The following WNT7A variants were observed in gnomAD, a reference collection of about 807,000 sequenced individuals.
The protein encoded by WNT7A is protein Wnt-7a.
WNT7A carries 16 observed loss-of-function variants against 28.2 expected under a neutral mutation model. The observed-to-expected ratio is 0.57, with a 90% CI of 0.38 to 0.86. WNT7A has a LOEUF of 0.86. Ranked by LOEUF, WNT7A falls within the 40% of genes least tolerant of loss-of-function variation. The pLI, the probability that WNT7A is intolerant of heterozygous loss-of-function variation, is 0.00. For missense variants in WNT7A, 411 were observed against 489.7 expected (o/e 0.84, Z 1.52); for synonymous variants, 190 against 195.9 (o/e 0.97, Z 0.25).
chr3:13,818,350 G>GAAAAAAAAAAAAAAAAAAAAAA lies in WNT7A; in HGVS notation c.*593_*594insTTTTTTTTTTTTTTTTTTTTTT, dbSNP rs1491270987. The GAAAAAAAAAAAAAAAAAAAAAA allele has an allele frequency of 5.5e-5, 1 of 18,162 alleles. No individual in the cohort carries two copies. Among genetic ancestry groups the GAAAAAAAAAAAAAAAAAAAAAA allele is most frequent in the African/African-American group, 4.6e-4 (1 of 2,168 alleles). 1.1% of individuals were successfully genotyped at this position (18,162 alleles called of 1,614,324 possible). A position where few individuals can be genotyped will look rare whatever the true frequency, so the allele number is the denominator to read the frequency against. ...ATTTCTGGATAAGTAGCAGCAAACA[G>GAAAAAAAAAAAAAAAAAAAAAA]CAAAAAAAAAAAAAAAAATGTGTGT... On this transcript the variant is annotated 3_prime_UTR_variant, in exon 4 of 4. Coordinates refer to ENST00000285018, the MANE Select transcript of WNT7A (RefSeq NM_004625.4).
rs1395742854 is a variant in WNT7A at position 13,818,516 on chromosome 3, TA to T, written c.*427del. The T allele has an allele frequency of 6.5e-6, 1 of 152,822 alleles. No individual in the cohort carries two copies. The highest frequency in any genetic ancestry group is 1.5e-5 in the Non-Finnish European group (1 of 68,482). The allele number at this position is 152,822 out of a possible 1,614,324, so 9.5% of individuals were successfully genotyped here. A position where few individuals can be genotyped will look rare whatever the true frequency, so the allele number is the denominator to read the frequency against. ...TACACTTCTACACGGCTCCTTGTCCTAGCAACAAAATCATCCTGCTAGGAAA... is the reference window on the plus strand; with the variant it reads ...TACACTTCTACACGGCTCCTTGTCCTGCAACAAAATCATCCTGCTAGGAAA... On this transcript the variant is annotated 3_prime_UTR_variant, in exon 4 of 4. Coordinates refer to ENST00000285018, the MANE Select transcript of WNT7A (RefSeq NM_004625.4).
At chr3:13,838,510 C>T (rs1694405266) in intron 3 of WNT7A, among the ~76,000 whole-genome samples, 1 of 152,224 alleles carries the variant, frequency 6.6e-6, no homozygotes, top group Non-Finnish European at 1.5e-5. Flanking sequence ...GAGCCTGGTC[C>T]TTCAACAAGA....
intron 3 of WNT7A, among the ~76,000 whole-genome samples, chr3:13,844,869 G>A (rs1015475750): frequency 1.1e-4 from 16 of 152,092 alleles, no homozygotes; most frequent in African/African-American, 3.4e-4. Flanking sequence ...GACCACTCCT[G>A]CCCCTCTCCT....
intron 2 of WNT7A, among the ~76,000 whole-genome samples, chr3:13,855,536 G>C (rs1694715604): frequency 6.6e-6 from 1 of 152,188 alleles, no homozygotes; most frequent in African/African-American, 2.4e-5. Flanking sequence ...TGGACTGTGA[G>C]TATCTCCAGT....
intron 2 of WNT7A, among the ~76,000 whole-genome samples, chr3:13,865,564 G>T (rs971629172): frequency 4.6e-5 from 7 of 152,232 alleles, no homozygotes; most frequent in Non-Finnish European, 7.3e-5. Context: ...TGAACGTGCA[G>T]TTTTTTATTT....
rs1575056986 is a variant in WNT7A at position 13,818,587 on chromosome 3, G to A, written c.*357C>T. 1 of 154,258 alleles carries A rather than the reference G, an allele frequency of 6.5e-6. No homozygotes were observed. The highest frequency in any genetic ancestry group is 2.4e-5 in the African/African-American group (1 of 41,438). 9.6% of individuals were successfully genotyped at this position (154,258 alleles called of 1,614,324 possible). ...TGCAGAAAACGGATCCCGACGAGGT[G>A]GAAGAATTCTTTTTAATTAAATAAA... On this transcript the variant is annotated 3_prime_UTR_variant, in exon 4 of 4. Coordinates refer to ENST00000285018, the MANE Select transcript of WNT7A (RefSeq NM_004625.4).
intron 3 of WNT7A, among the ~76,000 whole-genome samples, chr3:13,837,641 G>T (rs1361775848): frequency 2.0e-5 from 3 of 152,194 alleles, no homozygotes; most frequent in Admixed American, 1.3e-4. Flanking sequence ...CCCTGACTTA[G>T]TCCACAGAAG....
In WNT7A at chr3:13,824,093, T is replaced by G. The variant is rs142646291; in HGVS notation, c.571-4670A>C. Among the ~76,000 whole-genome samples, 261 of 152,374 alleles carry G rather than the reference T, an allele frequency of 1.7e-3. 1 individual carries two copies. The highest frequency in any genetic ancestry group is 5.8e-3 in the African/African-American group (242 of 41,582). ...TCTTTCTTTTTTAAAACAGCTTTAC[T>G]GCAGTACAATTCACATACCACACAA... On this transcript the variant is annotated intron_variant, in intron 3 of 3. Coordinates refer to ENST00000285018, the MANE Select transcript of WNT7A (RefSeq NM_004625.4).
At chr3:13,839,497 C>A (rs1422218218) in intron 3 of WNT7A, among the ~76,000 whole-genome samples, 1 of 152,208 alleles carries the variant, frequency 6.6e-6, no homozygotes, top group East Asian at 1.9e-4. Flanking sequence ...GTGCACACAG[C>A]TTTTAAGAAG....
rs1487176419 is a variant in WNT7A at position 13,854,660 on chromosome 3, T to C, written c.442A>G (p.Lys148Glu). 8 of 1,613,910 alleles carry C rather than the reference T, an allele frequency of 5.0e-6. No individual in the cohort carries two copies. Among genetic ancestry groups the C allele is most frequent in the Non-Finnish European group, 6.8e-6 (8 of 1,180,010 alleles). Residue 148 changes from lysine (K) to glutamate (E), a missense_variant, in exon 3 of 4, where the codon AAG (lysine) becomes GAG (glutamate). Transcript: ENST00000285018. ...QGQYHRDEGW[K>E]WGGCSADIRY... ...ATGTCGGCAGAGCAGCCACCCCACTTCCAGCCCTCGTCCCGGTGGTACTGG... is the reference window on the plus strand; with the variant it reads ...ATGTCGGCAGAGCAGCCACCCCACTCCCAGCCCTCGTCCCGGTGGTACTGG...
At chr3:13,856,753 G>A (rs1694735508) in intron 2 of WNT7A, among the ~76,000 whole-genome samples, 1 of 151,968 alleles carries the variant, frequency 6.6e-6, no homozygotes. Flanking sequence ...GGGAGGTGGA[G>A]GTTGCAGTGA....
intron 2 of WNT7A, among the ~76,000 whole-genome samples, chr3:13,859,079 G>A (rs1694789999): frequency 6.6e-6 from 1 of 152,218 alleles, no homozygotes; most frequent in South Asian, 2.1e-4. Context: ...CATGCCGTGA[G>A]TGCTCAGTAA....
At position 13,879,197 on chromosome 3, in the gene WNT7A, G is replaced by A. The variant is rs74847298; in HGVS notation, c.71+549C>T. Among the ~76,000 whole-genome samples, 1,061 of 152,358 alleles carry A rather than the reference G, an allele frequency of 7.0e-3. 21 individuals are homozygous for A. The highest frequency in any genetic ancestry group is 0.024 in the African/African-American group (1,013 of 41,588). On this transcript the variant is annotated intron_variant, in intron 1 of 3. Transcript: ENST00000285018. Reference sequence around the variant, plus strand: ...ATTGGGTGGTGCCAAGGCTCCGAGCGGCGGTTTATGTTTTTGCCAGCGAAT... The same window carrying A: ...ATTGGGTGGTGCCAAGGCTCCGAGCAGCGGTTTATGTTTTTGCCAGCGAAT...
intron 3 of WNT7A, among the ~76,000 whole-genome samples, chr3:13,831,761 C>A (rs577056634): frequency 1.8e-4 from 28 of 152,240 alleles, no homozygotes; most frequent in African/African-American, 5.5e-4. Flanking sequence ...ATGGGGCTAA[C>A]CCAGCTCCAG....
chr3:13,827,907 T>C (rs1402379041), intron 3 of WNT7A, among the ~76,000 whole-genome samples: 2 of 152,032 alleles, frequency 1.3e-5, no homozygotes, highest in African/African-American at 2.4e-5. Flanking sequence ...CCCCCATTCA[T>C]CTCCGCAGGC....
intron 1 of WNT7A, 61 bp downstream of exon 1, chr3:13,879,685 C>T: frequency 6.4e-7 from 1 of 1,568,312 alleles, no homozygotes; most frequent in Non-Finnish European, 8.7e-7. Context: ...GGCACACCTC[C>T]CTCCCCGGGC....
At chr3:13,821,445 CT>C (rs1406290244) in intron 3 of WNT7A, among the ~76,000 whole-genome samples, 1 of 152,222 alleles carries the variant, frequency 6.6e-6, no homozygotes, top group East Asian at 1.9e-4. Flanking sequence ...GAGAATCACA[CT>C]GTGTGTGCAA....
chr3:13,870,281 C>A (rs1695010465), intron 2 of WNT7A, among the ~76,000 whole-genome samples: 1 of 152,062 alleles, frequency 6.6e-6, no homozygotes, highest in African/African-American at 2.4e-5. Context: ...GACTCGTGTC[C>A]TTATAAAAAA....
At chr3:13,872,416 T>G (rs1695040114) in intron 2 of WNT7A, among the ~76,000 whole-genome samples, 1 of 152,072 alleles carries the variant, frequency 6.6e-6, no homozygotes, top group South Asian at 2.1e-4. Flanking sequence ...GTTCAACCTA[T>G]CCTCTGGCAG....
Sources: gnomAD v4.1 joint callset for allele counts (sites outside exome capture counted in the v4.1 genomes callset) on GRCh38, gnomAD v4.1.1 for gene constraint, MANE v1.5 for transcripts, NCBI Gene and HGNC (gene_info 2026-07-23, HGNC 2026-07-21) for gene names.